Variants in PNPLA7 observed in about 807,000 individuals in gnomAD.
PNPLA7 encodes the protein patatin-like phospholipase domain-containing protein 7.
Under a neutral mutation model 161.7 loss-of-function variants are expected in PNPLA7, and 153 were observed. The observed-to-expected ratio is 0.95, with a 90% CI of 0.83 to 1.08. PNPLA7 has a LOEUF of 1.08. PNPLA7 is among the 50% of genes least tolerant of loss of function. PNPLA7 has a pLI of 0.00. For synonymous variants in PNPLA7, 809 were observed against 782.1 expected (o/e 1.03, Z -0.57); for missense variants, 1,739 against 1,856.6 (o/e 0.94, Z 1.16).
chr9:137,517,037 C>CT (rs1396331307), intron 11 of PNPLA7, among the ~76,000 whole-genome samples: 1 of 132,850 alleles, frequency 7.5e-6, no homozygotes, highest in Non-Finnish European at 1.6e-5. Context: ...CACTCCATCC[C>CT]CTGTCACTCA....
chr9:137,525,502 G>A (rs971206582), intron 8 of PNPLA7, among the ~76,000 whole-genome samples: 1 of 152,194 alleles, frequency 6.6e-6, no homozygotes, highest in African/African-American at 2.4e-5. Flanking sequence ...CGTGTCCACC[G>A]GACAGGGGGC....
At chr9:137,503,906 A>AT (rs1833720766) in intron 14 of PNPLA7, among the ~76,000 whole-genome samples, 2 of 54,008 alleles carry the variant, frequency 3.7e-5, no homozygotes, top group East Asian at 5.6e-4. Flanking sequence ...AAGAAGGAAG[A>AT]AGAAAGAAGA....
intron 21 of PNPLA7, 122 bp downstream of exon 21, chr9:137,484,465 G>T: frequency 9.0e-7 from 1 of 1,113,030 alleles, no homozygotes. Flanking sequence ...ACCGAACACT[G>T]ACCCCAACTG....
chr9:137,461,932 G>C lies in PNPLA7; in HGVS notation c.3755C>G (p.Ala1252Gly). Residue 1252 changes from alanine (A) to glycine (G), a missense_variant and splice_region_variant, in exon 32 of 35, where the codon GCG (alanine) becomes GGG (glycine). Ala to Gly is a moderately conservative substitution (Grantham distance 60, BLOSUM62 0). Around this residue, in one of 6 missense-constraint regions of PNPLA7, gnomAD observed 703 missense variants for 694.6 expected, o/e 1.01. Transcript: ENST00000406427. ...CGTGGTCCGGACGCCCGTACTCACCGCACTCGCGGGCTTCTTGCTCGGCCC... is the reference window on the plus strand; with the variant it reads ...CGTGGTCCGGACGCCCGTACTCACCCCACTCGCGGGCTTCTTGCTCGGCCC... ...QQGPSKKPAS[A>G]VLTCPNASFT... 6.4e-7 allele frequency: 1 copy of C among 1,566,058 alleles called. No individual in the cohort carries two copies. The highest frequency in any genetic ancestry group is 8.6e-7 in the Non-Finnish European group (1 of 1,161,270).
intron 25 of PNPLA7, among the ~76,000 whole-genome samples, chr9:137,475,628 C>A (rs1325024175): frequency 3.3e-5 from 5 of 151,980 alleles, no homozygotes; most frequent in African/African-American, 1.2e-4. Flanking sequence ...CCCACCTTGG[C>A]CTCCCAAAGT....
chr9:137,535,401 GAAGT>G (rs1414925632), intron 8 of PNPLA7, among the ~76,000 whole-genome samples: 1 of 152,200 alleles, frequency 6.6e-6, no homozygotes, highest in African/African-American at 2.4e-5. Flanking sequence ...CTTTATCCAT[GAAGT>G]AAGAACAAGA....
chr9:137,463,694 C>A (rs914762732), intron 28 of PNPLA7, among the ~76,000 whole-genome samples, 163 bp from the exon 29 acceptor site: 2 of 152,148 alleles, frequency 1.3e-5, no homozygotes, highest in African/African-American at 4.8e-5. Context: ...AAATTGAGTT[C>A]TTTCTCTGGG....
At chr9:137,530,225 A>G (rs1265864297) in intron 8 of PNPLA7, among the ~76,000 whole-genome samples, 4 of 152,208 alleles carry the variant, frequency 2.6e-5, no homozygotes, top group Non-Finnish European at 4.4e-5. Flanking sequence ...TCGGCCTCCC[A>G]AAGTGTTGGG....
At chr9:137,521,513 A>G in intron 10 of PNPLA7, 123 bp downstream of exon 10, 1 of 886,084 alleles carries the variant, frequency 1.1e-6, no homozygotes, top group Non-Finnish European at 1.8e-6. Context: ...AGCAACTGGG[A>G]AGACCACAGC....
At chr9:137,530,107 G>A (rs185333567) in intron 8 of PNPLA7, among the ~76,000 whole-genome samples, 1 of 152,200 alleles carries the variant, frequency 6.6e-6, no homozygotes, top group South Asian at 2.1e-4. Context: ...TGAGACTAGA[G>A]GTGCGCGCCA....
At chr9:137,481,429 A>G (rs1430359558) in intron 21 of PNPLA7, among the ~76,000 whole-genome samples, 3 of 152,238 alleles carry the variant, frequency 2.0e-5, no homozygotes, top group Non-Finnish European at 4.4e-5. Flanking sequence ...GCCAGACGCC[A>G]AGAGGCCAGG....
At chr9:137,473,777 C>A (rs1403039330) in intron 25 of PNPLA7, among the ~76,000 whole-genome samples, 2 of 152,076 alleles carry the variant, frequency 1.3e-5, no homozygotes, top group Non-Finnish European at 2.9e-5. Context: ...TTAGAATGGG[C>A]AAAATTTAAA....
At chr9:137,492,435 C>G (rs1359618022) in intron 20 of PNPLA7, 1 of 198,378 alleles carries the variant, frequency 5.0e-6, no homozygotes, top group Non-Finnish European at 8.5e-6. Flanking sequence ...AATTACTGGG[C>G]TCGGGTGGGC....
At position 137,467,549 on chromosome 9, in the gene PNPLA7, C is replaced by T; in HGVS notation, c.2883-76G>A. The T allele has an allele frequency of 1.9e-6, 3 of 1,541,896 alleles. No individual in the cohort carries two copies. In the Admixed American group the frequency reaches 5.5e-5, roughly 28 times the overall value. On this transcript the variant is annotated intron_variant, in intron 25 of 34. Transcript: ENST00000406427. The surrounding 1 kb of genome is among the most constrained non-coding windows in gnomAD (Gnocchi z 5.1). Reference sequence around the variant, plus strand: ...CGCCCTGCAGAGGCCTTGTGCTCATCCTCAGTTCCCAACTCCTCCACAGGC... The same window carrying T: ...CGCCCTGCAGAGGCCTTGTGCTCATTCTCAGTTCCCAACTCCTCCACAGGC...
At position 137,461,571 on chromosome 9, in the gene PNPLA7, G is replaced by A. The variant is rs761116788; in HGVS notation, c.3806C>T (p.Ser1269Phe). Residue 1269 changes from serine (S) to phenylalanine (F), a missense_variant, in exon 33 of 35, where the codon TCT becomes TTT. Transcript: ENST00000406427. ...GGCGGGCTTGGCGGGCTCAATGCGA[G>A]ACACAATTTCGGCAAGGTCCGTGAA... ...ASFTDLAEIV[S>F]RIEPAKPAMV... 1 of 1,612,812 alleles carries A rather than the reference G, an allele frequency of 6.2e-7. No homozygotes were observed. The highest frequency in any genetic ancestry group is 1.1e-5 in the South Asian group (1 of 91,012).
At chr9:137,479,631 G>C in intron 23 of PNPLA7, 4 of 985,456 alleles carry the variant, frequency 4.1e-6, no homozygotes, top group Non-Finnish European at 4.8e-6. Flanking sequence ...GATTAGCCCA[G>C]GCAGGCTTGT....
chr9:137,549,569 CAA>C (rs57732454), intron 1 of PNPLA7, among the ~76,000 whole-genome samples: 13 of 96,024 alleles, frequency 1.4e-4, no homozygotes, highest in African/African-American at 2.5e-4. Flanking sequence ...GACTCCGTCT[CAA>C]AAAAAAAAAA....
intron 4 of PNPLA7, among the ~76,000 whole-genome samples, chr9:137,544,923 C>T (rs1836411839): frequency 6.6e-6 from 1 of 152,164 alleles, no homozygotes; most frequent in Non-Finnish European, 1.5e-5. Context: ...GCTGAGAGTA[C>T]AGGCGTGAGC....
intron 19 of PNPLA7, 106 bp downstream of exon 19, chr9:137,494,927 G>A (rs545282430): frequency 2.2e-5 from 22 of 1,015,598 alleles, no homozygotes; most frequent in African/African-American, 8.1e-5. Context: ...CCTGCTCCGC[G>A]CCCTCACCTG....
Sources: gnomAD v4.1 joint callset for allele counts (sites outside exome capture counted in the v4.1 genomes callset) on GRCh38, gnomAD v4.1.1 for gene constraint, gnomAD v4.1.1 regional missense constraint, Gnocchi (gnomAD v3.1) non-coding constraint, MANE v1.5 for transcripts, NCBI Gene and HGNC (gene_info 2026-07-23, HGNC 2026-07-21) for gene names.